ANK3: variants seen among roughly 807,000 people sequenced by gnomAD.
ANK3 encodes the protein ankyrin-3.
Under a neutral mutation model 370.9 loss-of-function variants are expected in ANK3, and 57 were observed. That is an observed-to-expected ratio of 0.15 (90% CI 0.12 to 0.19). The LOEUF is 0.19. ANK3 is among the 10% of genes least tolerant of loss of function. The pLI is 1.00. For missense variants in ANK3, 4,439 were observed against 5,302.1 expected, an observed-to-expected ratio of 0.84 and a Z score of 5.06; for synonymous variants, 1,929 against 1,946.3, an observed-to-expected ratio of 0.99 and a Z score of 0.23.
chr10:60,334,522 G>A (rs2052316331), intron 1 of ANK3, among the ~76,000 whole-genome samples: 1 of 152,158 alleles, frequency 6.6e-6, no homozygotes, highest in African/African-American at 2.4e-5. Context: ...ACCCAGATGA[G>A]TTTCCTGGGC....
chr10:60,604,300 C>A (rs1396062888), intron 2 of ANK3, among the ~76,000 whole-genome samples: 1 of 152,132 alleles, frequency 6.6e-6, no homozygotes, highest in Non-Finnish European at 1.5e-5. Context: ...CTTTTATTTG[C>A]TTCAAGGTCT....
In ANK3 at chr10:60,124,595, T is replaced by C. The variant is rs578096608; in HGVS notation, c.2841+9676A>G. ...TCACATCACAGGGAGAAGTCAGAGC[T>C]GCCTGCTGGATTAACAGAAATAATA... On this transcript the variant is annotated intron_variant, in intron 25 of 43. Coordinates refer to ENST00000280772, the MANE Select transcript of ANK3 (RefSeq NM_020987.5). Among the ~76,000 whole-genome samples, 180 of 152,368 alleles carry C rather than the reference T, an allele frequency of 1.2e-3. 1 individual carries two copies. The highest frequency in any genetic ancestry group is 2.1e-3 in the Non-Finnish European group (144 of 68,042).
At chr10:60,573,313 C>T (rs2077640024) in intron 2 of ANK3, among the ~76,000 whole-genome samples, 1 of 151,840 alleles carries the variant, frequency 6.6e-6, no homozygotes, top group Non-Finnish European at 1.5e-5. Context: ...AGCCCCATAC[C>T]CAATTTGCCA....
intron 2 of ANK3, among the ~76,000 whole-genome samples, chr10:60,550,924 A>G (rs1324798861): frequency 6.6e-6 from 1 of 152,114 alleles, no homozygotes; most frequent in Non-Finnish European, 1.5e-5. Flanking sequence ...ATGTCTCTTC[A>G]GGAGTGAGGC....
chr10:60,489,714 A>G (rs763491759), intron 2 of ANK3, among the ~76,000 whole-genome samples: 31 of 152,260 alleles, frequency 2.0e-4, no homozygotes, highest in South Asian at 1.5e-3. Flanking sequence ...TATTTGCATA[A>G]TTTTCTTTAA....
chr10:60,332,536 T>C (rs2051621227), intron 1 of ANK3, among the ~76,000 whole-genome samples: 1 of 152,142 alleles, frequency 6.6e-6, no homozygotes, highest in South Asian at 2.1e-4. Context: ...CACCTCCCAG[T>C]TGGCCCAGTG....
At chr10:60,342,776 G>A (rs1002132529) in intron 1 of ANK3, among the ~76,000 whole-genome samples, 3 of 152,074 alleles carry the variant, frequency 2.0e-5, no homozygotes, top group East Asian at 1.9e-4. Context: ...ATATGGCAGT[G>A]CTTTCCAAAA....
intron 21 of ANK3, among the ~76,000 whole-genome samples, chr10:60,169,498 G>A (rs1269767332): frequency 6.7e-6 from 1 of 149,608 alleles, no homozygotes; most frequent in African/African-American, 2.5e-5. Context: ...CATTGTTGAT[G>A]TTGATCTTGA....
At chr10:60,139,776 C>T (rs1216596284) in intron 23 of ANK3, 1 of 153,370 alleles carries the variant, frequency 6.5e-6, no homozygotes, top group Non-Finnish European at 1.5e-5. Context: ...ATATAAATTG[C>T]TCTTTAATTA....
chr10:60,717,109 A>G (rs1305752431), intron 1 of ANK3, among the ~76,000 whole-genome samples: 1 of 152,212 alleles, frequency 6.6e-6, no homozygotes, highest in East Asian at 1.9e-4. Flanking sequence ...TACAATCACA[A>G]TGTAAAGCAA....
intron 4 of ANK3, among the ~76,000 whole-genome samples, chr10:60,278,184 T>C (rs1487529816): frequency 6.6e-6 from 1 of 152,164 alleles, no homozygotes; most frequent in Non-Finnish European, 1.5e-5. Flanking sequence ...ACTTTTAAAG[T>C]TCCTTCTGCC....
intron 17 of ANK3, 31 bp downstream of exon 17, chr10:60,186,684 T>C: frequency 6.2e-7 from 1 of 1,610,074 alleles, no homozygotes; most frequent in African/African-American, 1.3e-5. Flanking sequence ...TTTGGTGTGC[T>C]GCATGCTTTG....
chr10:60,698,421 G>T lies in ANK3; in HGVS notation c.57+34842C>A, dbSNP rs186320856. On this transcript the variant is annotated intron_variant, in intron 1 of 43. Transcript: ENST00000373827. ...TACTGGGTATATACCCAAAGGACTA[G>T]AAATCATGGTTCTATAAAGACACAT... Among the ~76,000 whole-genome samples, 26 of 151,802 alleles carry T rather than the reference G, an allele frequency of 1.7e-4. No individual in the cohort carries two copies. In the East Asian group the frequency reaches 2.5e-3, roughly 15 times the overall value.
At chr10:60,572,364 TAAA>T in intron 2 of ANK3, 1 of 1,208,822 alleles carries the variant, frequency 8.3e-7, no homozygotes, top group Non-Finnish European at 1.1e-6. Context: ...AGCAGCTTCT[TAAA>T]AATCTAAAGC....
chr10:60,036,120 T>G (rs2074902151), intron 43 of ANK3, among the ~76,000 whole-genome samples: 1 of 152,146 alleles, frequency 6.6e-6, no homozygotes, highest in Admixed American at 6.5e-5. Context: ...TAAGGATACC[T>G]GTTGTACTAA....
chr10:60,674,723 T>C (rs2079103654), intron 1 of ANK3, among the ~76,000 whole-genome samples: 1 of 152,208 alleles, frequency 6.6e-6, no homozygotes, highest in South Asian at 2.1e-4. Context: ...CTTATGTCCC[T>C]TTGCAGTGAA....
intron 1 of ANK3, among the ~76,000 whole-genome samples, chr10:60,360,448 C>T (rs1457738829): frequency 6.6e-6 from 1 of 152,086 alleles, no homozygotes; most frequent in Non-Finnish European, 1.5e-5. Context: ...TTGGCTCATG[C>T]CTGTAGTCCC....
rs1298566191 is a variant in ANK3 at position 60,523,437 on chromosome 10, G to A, written c.96+91749C>T. 1.4e-4 allele frequency among the ~76,000 whole-genome samples: 18 copies of A among 126,302 alleles called. No homozygotes were observed. The Admixed American group carries it at 2.0e-3, about 14-fold the overall frequency. 82.9% of individuals were successfully genotyped at this position (126,302 alleles called of 152,430 possible). On this transcript the variant is annotated intron_variant, in intron 2 of 43. Coordinates refer to the ANK3 transcript ENST00000373827. ...CCCGGAGTGTGATGTTCCCCTTCTT[G>A]TGTCCATGTGTTCTCATTGTTCAAT...
chr10:60,454,235 C>A (rs4948421), intron 2 of ANK3, among the ~76,000 whole-genome samples: 1 of 151,958 alleles, frequency 6.6e-6, no homozygotes, highest in Admixed American at 6.6e-5. Context: ...CTTTTGATAA[C>A]GTCGTTCTGT....
Sources: allele counts gnomAD v4.1 joint callset (sites outside exome capture counted in the v4.1 genomes callset), GRCh38; gene constraint gnomAD v4.1.1; transcripts MANE v1.5; gene names NCBI Gene and HGNC (gene_info 2026-07-23, HGNC 2026-07-21).